NEK4: variants seen among roughly 807,000 people sequenced by gnomAD.
The protein encoded by NEK4 is serine/threonine-protein kinase Nek4.
In NEK4, 86 loss-of-function variants were observed where a neutral mutation model predicts 98.4. That is an observed-to-expected ratio of 0.87 (90% CI 0.73 to 1.05). NEK4 has a LOEUF of 1.05. Ranked by LOEUF, NEK4 falls within the 50% of genes least tolerant of loss-of-function variation. NEK4 has a pLI of 0.00. For missense variants in NEK4, 898 were observed against 950.3 expected (o/e 0.94, Z 0.72); for synonymous variants, 328 against 342.2 (o/e 0.96, Z 0.46).
At chr3:52,750,891 A>T (rs893812835) in intron 7 of NEK4, among the ~76,000 whole-genome samples, 1 of 152,204 alleles carries the variant, frequency 6.6e-6, no homozygotes, top group Non-Finnish European at 1.5e-5. Context: ...TGTTTGCACC[A>T]CTGCACGCTA....
chr3:52,725,305 A>G (rs1386458253), intron 15 of NEK4, among the ~76,000 whole-genome samples: 2 of 152,080 alleles, frequency 1.3e-5, no homozygotes, highest in Non-Finnish European at 2.9e-5. Flanking sequence ...AGGTCAGGAG[A>G]TCGAGACCAT....
In NEK4 at chr3:52,746,159, C is replaced by G. The variant is rs563056783; in HGVS notation, c.1729G>C (p.Val577Leu). The G allele has an allele frequency of 6.2e-7, 1 of 1,614,066 alleles. No individual in the cohort carries two copies. The highest frequency in any genetic ancestry group is 8.5e-7 in the Non-Finnish European group (1 of 1,179,956). The change falls in exon 10 of 16, where the codon GTG becomes CTG. Residue 577 changes from valine to leucine, a missense_variant. Physicochemically the swap from Val to Leu is conservative, Grantham distance 32. Coordinates refer to ENST00000233027, the MANE Select transcript of NEK4 (RefSeq NM_003157.6). ...FLPSHPIVGKVDVTSTQKEAE... is the reference protein window; with the variant it reads ...FLPSHPIVGKLDVTSTQKEAE... ...TCTTTTTGTGTTGATGTGACATCCA[C>G]TTTCCCAACAATGGGATGAGAAGGC...
In NEK4 at chr3:52,739,717, CG is replaced by C. The variant is rs1200873469; in HGVS notation, c.2094-84del. 6 of 1,173,068 alleles carry C rather than the reference CG, an allele frequency of 5.1e-6. No individual in the cohort carries two copies. In the African/African-American group the frequency reaches 9.1e-5, roughly 18 times the overall value. The allele number at this position is 1,173,068 out of a possible 1,614,324, so 72.7% of individuals were successfully genotyped here. On this transcript the variant is annotated intron_variant, in intron 13 of 15. Coordinates refer to ENST00000233027, the MANE Select transcript of NEK4 (RefSeq NM_003157.6). ...AAAAATTACGTGCAAAACGACCTTT[CG>C]GGAATTATCCTTTGAAATGTCCAAG...
At chr3:52,743,565 A>G in intron 11 of NEK4, 104 bp from the exon 12 acceptor site, 2 of 795,220 alleles carry the variant, frequency 2.5e-6, no homozygotes, top group Non-Finnish European at 4.2e-6. Context: ...CTAGCCCAAA[A>G]GTAAGTCAAA....
chr3:52,722,318 C>T (rs936968724), intron 15 of NEK4, among the ~76,000 whole-genome samples: 1 of 152,194 alleles, frequency 6.6e-6, no homozygotes, highest in African/African-American at 2.4e-5. Context: ...AACTGCTGAA[C>T]GTGGGTACAA....
chr3:52,723,616 GAAAT>G (rs957124918), intron 15 of NEK4, among the ~76,000 whole-genome samples: 3 of 152,120 alleles, frequency 2.0e-5, no homozygotes, highest in Non-Finnish European at 4.4e-5. Flanking sequence ...GGACAAGAAA[GAAAT>G]AGTGAACTTG....
intron 6 of NEK4, among the ~76,000 whole-genome samples, chr3:52,759,118 A>AG (rs1173292523): frequency 6.6e-6 from 1 of 151,418 alleles, no homozygotes; most frequent in Admixed American, 6.6e-5. Context: ...AAAAAAAAAA[A>AG]AAGCCTGGGC....
At chr3:52,734,523 A>G (rs541206249) in intron 15 of NEK4, among the ~76,000 whole-genome samples, 6 of 151,774 alleles carry the variant, frequency 4.0e-5, no homozygotes, top group African/African-American at 7.3e-5. Flanking sequence ...AAATACAAAA[A>G]TTAGCCATGT....
intron 1 of NEK4, 38 bp from the exon 2 acceptor site, chr3:52,768,642 A>C (rs186056351): frequency 6.2e-7 from 1 of 1,601,416 alleles, no homozygotes; most frequent in African/African-American, 1.3e-5. Flanking sequence ...TGTGCAAATA[A>C]ACGTAAGATT....
intron 1 of NEK4, 123 bp downstream of exon 1, chr3:52,770,531 T>C (rs762339685): frequency 1.3e-5 from 9 of 716,690 alleles, no homozygotes; most frequent in Non-Finnish European, 1.9e-5. Context: ...CTGGGACCAT[T>C]TCCCTGAGGA....
intron 14 of NEK4, among the ~76,000 whole-genome samples, chr3:52,738,463 T>C (rs2097380102): frequency 6.6e-6 from 1 of 150,874 alleles, no homozygotes; most frequent in Non-Finnish European, 1.5e-5. Flanking sequence ...TTTCATCTGA[T>C]TTTTTGAGAC....
chr3:52,720,057 C>A (rs202205816), intron 15 of NEK4, among the ~76,000 whole-genome samples: 2 of 151,942 alleles, frequency 1.3e-5, no homozygotes, highest in Non-Finnish European at 2.9e-5. Context: ...CCGAGGTGGG[C>A]GAATCACTTG....
intron 15 of NEK4, among the ~76,000 whole-genome samples, chr3:52,729,907 A>G (rs2097368002): frequency 6.6e-6 from 1 of 152,052 alleles, no homozygotes. Flanking sequence ...TCAGGAGATC[A>G]AGACCTCCTG....
chr3:52,770,535 C>T, intron 1 of NEK4, 119 bp downstream of exon 1: 1 of 745,008 alleles, frequency 1.3e-6, no homozygotes. Flanking sequence ...GACCATTTCC[C>T]TGAGGAAACG....
In NEK4 at chr3:52,768,540, T is replaced by G. The variant is rs751689087; in HGVS notation, c.158A>C (p.Glu53Ala). 5 of 1,614,190 alleles carry G rather than the reference T, an allele frequency of 3.1e-6. No individual in the cohort carries two copies. In the South Asian group the frequency reaches 5.5e-5, roughly 18 times the overall value. The change falls in exon 2 of 16, where the codon GAA (glutamate) becomes GCA (alanine). Residue 53 changes from glutamate to alanine, a missense_variant. Coordinates refer to ENST00000233027, the MANE Select transcript of NEK4 (RefSeq NM_003157.6). ...SSRERRAAEQ[E>A]AQLLSQLKHP... ...CTTCAACTGAGACAAGAGCTGGGCT[T>G]CCTGTTCAGCAGCTCGCCGCTCTCG...
intron 6 of NEK4, among the ~76,000 whole-genome samples, chr3:52,753,251 G>A (rs912846139): frequency 1.1e-4 from 17 of 152,224 alleles, no homozygotes; most frequent in Non-Finnish European, 2.2e-4. Flanking sequence ...GCAGTGAGCC[G>A]TGATCACACC....
At position 52,765,836 on chromosome 3, in the gene NEK4, T is replaced by C. The variant is rs960521169; in HGVS notation, c.666+51A>G. 5 of 1,107,108 alleles carry C rather than the reference T, an allele frequency of 4.5e-6. No homozygotes were observed. In the African/African-American group the frequency reaches 4.7e-5, roughly 10 times the overall value. 68.6% of individuals were successfully genotyped at this position (1,107,108 alleles called of 1,614,324 possible). On this transcript the variant is annotated intron_variant, in intron 4 of 15. Coordinates refer to ENST00000233027, the MANE Select transcript of NEK4 (RefSeq NM_003157.6). ...CAATGATTTTGCTAGTAGCTATTTA[T>C]AAAGCTGCACTATAGAAATACTGGT...
At chr3:52,758,649 A>T (rs1384717347) in intron 6 of NEK4, among the ~76,000 whole-genome samples, 1 of 151,894 alleles carries the variant, frequency 6.6e-6, no homozygotes, top group African/African-American at 2.4e-5. Flanking sequence ...AGAAATTTTT[A>T]AAAACAAAAA....
At chr3:52,724,750 A>G (rs1233454253) in intron 15 of NEK4, among the ~76,000 whole-genome samples, 2 of 152,218 alleles carry the variant, frequency 1.3e-5, no homozygotes, top group Non-Finnish European at 2.9e-5. Context: ...TACATTGCAC[A>G]ACATGGTGAC....
Sources: allele counts gnomAD v4.1 joint callset (sites outside exome capture counted in the v4.1 genomes callset), GRCh38; gene constraint gnomAD v4.1.1; transcripts MANE v1.5; gene names NCBI Gene and HGNC (gene_info 2026-07-23, HGNC 2026-07-21).